Variants in SKIC3 observed in about 807,000 individuals in gnomAD.
SKIC3 encodes superkiller complex protein 3.
chr5:95,553,673 C>T, the SKIC3 span, among the ~76,000 whole-genome samples: 1 of 152,160 alleles, frequency 6.6e-6, no homozygotes, highest in Non-Finnish European at 1.5e-5. Flanking sequence ...GATTCTCCTG[C>T]CTCAGCCTCC....
the SKIC3 span, among the ~76,000 whole-genome samples, chr5:95,489,419 A>G: frequency 1.3e-5 from 2 of 152,090 alleles, no homozygotes; most frequent in African/African-American, 4.8e-5. Context: ...TTGTTTTACT[A>G]TAAGGACTTG....
At chr5:95,486,991 T>G in the SKIC3 span, among the ~76,000 whole-genome samples, 1 of 152,210 alleles carries the variant, frequency 6.6e-6, no homozygotes, top group African/African-American at 2.4e-5. Flanking sequence ...GGTGTGTCTG[T>G]GTGGGTGTTG....
chr5:95,482,763 T>C, the SKIC3 span: 1 of 885,920 alleles, frequency 1.1e-6, no homozygotes, highest in Non-Finnish European at 1.7e-6. Flanking sequence ...AGAAAACAAC[T>C]GCAAATAATT....
chr5:95,521,789 A>T, the SKIC3 span, among the ~76,000 whole-genome samples: 7 of 152,092 alleles, frequency 4.6e-5, no homozygotes, highest in Non-Finnish European at 4.4e-5. Context: ...TGTTTTAGAG[A>T]TCAATTTTTA....
the SKIC3 span, chr5:95,513,558 T>C: frequency 6.2e-7 from 1 of 1,612,200 alleles, no homozygotes. Flanking sequence ...AAGAAGAATG[T>C]TCAGATTCTT....
chr5:95,524,667 T>A, the SKIC3 span: 1 of 1,572,972 alleles, frequency 6.4e-7, no homozygotes, highest in Admixed American at 1.7e-5. Flanking sequence ...AGGAGACTCC[T>A]AGTTGGAACA....
the SKIC3 span, chr5:95,550,773 A>G: frequency 6.6e-6 from 1 of 152,494 alleles, no homozygotes; most frequent in African/African-American, 2.4e-5. Context: ...ATGAGAAATA[A>G]TTATGTATAA....
At chr5:95,505,551 C>G in the SKIC3 span, among the ~76,000 whole-genome samples, 1 of 152,088 alleles carries the variant, frequency 6.6e-6, no homozygotes, top group Non-Finnish European at 1.5e-5. Context: ...CGGTGGCTCA[C>G]GCCTGTAATT....
At chr5:95,491,161 T>A in the SKIC3 span, 1 of 1,364,596 alleles carries the variant, frequency 7.3e-7, no homozygotes, top group Non-Finnish European at 1.0e-6. Context: ...AATTTCACTT[T>A]CTCAAAGGAA....
At chr5:95,486,507 T>C in the SKIC3 span, among the ~76,000 whole-genome samples, 1 of 152,110 alleles carries the variant, frequency 6.6e-6, no homozygotes, top group African/African-American at 2.4e-5. Flanking sequence ...CAACAAAGCA[T>C]TTGCTGGCAG....
At chr5:95,524,672 G>A in the SKIC3 span, 1 of 1,582,704 alleles carries the variant, frequency 6.3e-7, no homozygotes, top group Non-Finnish European at 8.6e-7. Flanking sequence ...ACTCCTAGTT[G>A]GAACAATCAA....
the SKIC3 span, among the ~76,000 whole-genome samples, chr5:95,552,605 C>T: frequency 3.3e-5 from 5 of 152,168 alleles, no homozygotes; most frequent in Admixed American, 6.5e-5. Context: ...GAAAAACAAG[C>T]CACAGAAGCA....
chr5:95,465,335 C>T, the SKIC3 span, among the ~76,000 whole-genome samples: 1 of 152,188 alleles, frequency 6.6e-6, no homozygotes, highest in African/African-American at 2.4e-5. Context: ...CTACTTTATG[C>T]ATAGAACTGT....
At chr5:95,524,635 C>A in the SKIC3 span, 1 of 1,607,410 alleles carries the variant, frequency 6.2e-7, no homozygotes, top group Non-Finnish European at 8.5e-7. Context: ...AAAACAAATA[C>A]ACACACACCC....
the SKIC3 span, chr5:95,530,137 C>T: frequency 1.9e-6 from 3 of 1,613,498 alleles, no homozygotes; most frequent in African/African-American, 4.0e-5. Flanking sequence ...TCTTGTAATG[C>T]TTTAATGCCT....
the SKIC3 span, among the ~76,000 whole-genome samples, chr5:95,520,253 G>A: frequency 6.6e-6 from 1 of 151,456 alleles, no homozygotes; most frequent in African/African-American, 2.4e-5. Context: ...TTCCTTCACA[G>A]TTTCTCCTCA....
At chr5:95,476,913 G>A in the SKIC3 span, among the ~76,000 whole-genome samples, 21 of 152,218 alleles carry the variant, frequency 1.4e-4, no homozygotes, top group Admixed American at 3.3e-4. Context: ...AGAACCTAGC[G>A]CAGACTAAGT....
chr5:95,481,356 C>T, the SKIC3 span, among the ~76,000 whole-genome samples: 2 of 152,136 alleles, frequency 1.3e-5, no homozygotes, highest in African/African-American at 4.8e-5. Context: ...CACAAGCTCT[C>T]TCTCTTGTCT....
the SKIC3 span, among the ~76,000 whole-genome samples, chr5:95,537,390 C>G: frequency 3.3e-5 from 5 of 152,172 alleles, no homozygotes; most frequent in Admixed American, 3.3e-4. Flanking sequence ...TTTAACAAAA[C>G]GCACTTCCAA....
Sources: gnomAD v4.1 joint callset for allele counts (sites outside exome capture counted in the v4.1 genomes callset) on GRCh38, gnomAD v4.1.1 for gene constraint, MANE v1.5 for transcripts, NCBI Gene and HGNC (gene_info 2026-07-23, HGNC 2026-07-21) for gene names.